CDK14: variants seen among roughly 807,000 people sequenced by gnomAD.
The protein encoded by CDK14 is cyclin dependent kinase 14.
A neutral mutation model predicts 60.7 loss-of-function variants in CDK14; 34 were observed. The ratio of observed to expected loss-of-function variants is 0.56; its 90% confidence interval spans 0.43 to 0.75. The LOEUF is 0.75. CDK14 is among the 30% of genes least tolerant of loss of function. CDK14 has a pLI of 0.00. For missense variants in CDK14, 482 were observed against 564.1 expected (o/e 0.85, Z 1.47); for synonymous variants, 197 against 203.7 (o/e 0.97, Z 0.28).
chr7:90,963,086 A>AGTGTGT (rs34662049), intron 9 of CDK14, among the ~76,000 whole-genome samples: 7,394 of 141,978 alleles, frequency 0.052, 381 homozygotes, highest in East Asian at 0.14. Context: ...TCATCTTAAG[A>AGTGTGT]GTGTGTGTGT....
intron 9 of CDK14, among the ~76,000 whole-genome samples, chr7:90,977,311 C>G (rs1795100146): frequency 6.6e-6 from 1 of 152,026 alleles, no homozygotes; most frequent in African/African-American, 2.4e-5. Context: ...AGGGAAGAAG[C>G]CTTTATTTGG....
chr7:91,188,907 T>C (rs1232963509), intron 14 of CDK14, among the ~76,000 whole-genome samples: 2 of 152,346 alleles, frequency 1.3e-5, no homozygotes, highest in East Asian at 3.9e-4. Flanking sequence ...TGTTCCTCTT[T>C]AGTAACAACC....
intron 14 of CDK14, among the ~76,000 whole-genome samples, chr7:91,179,798 G>A (rs1390464880): frequency 2.7e-5 from 4 of 149,656 alleles, no homozygotes; most frequent in Admixed American, 6.6e-5. Context: ...GCGAGACTCC[G>A]TCTCAAAAAA....
chr7:90,844,959 A>G (rs1790418390), intron 5 of CDK14, among the ~76,000 whole-genome samples: 1 of 152,204 alleles, frequency 6.6e-6, no homozygotes, highest in African/African-American at 2.4e-5. Flanking sequence ...GTTAGTCACA[A>G]GATGGCAGCT....
chr7:91,055,642 AG>A (rs1562885080), intron 11 of CDK14, among the ~76,000 whole-genome samples: 1 of 152,234 alleles, frequency 6.6e-6, no homozygotes, highest in Non-Finnish European at 1.5e-5. Context: ...GTTGATATAG[AG>A]GGCCAATCAC....
intron 3 of CDK14, among the ~76,000 whole-genome samples, chr7:90,747,272 T>G (rs746919574): frequency 6.6e-6 from 1 of 152,212 alleles, no homozygotes; most frequent in Non-Finnish European, 1.5e-5. Flanking sequence ...GGCCACAGTT[T>G]GCCAGCTCCT....
intron 10 of CDK14, among the ~76,000 whole-genome samples, chr7:91,023,017 T>A (rs940981): frequency 0.25 from 37,964 of 151,768 alleles, 5,097 homozygotes; most frequent in African/African-American, 0.33. Flanking sequence ...AGTATATATT[T>A]TTTTTTTTTC....
intron 4 of CDK14, among the ~76,000 whole-genome samples, chr7:90,754,919 A>G (rs1803996051): frequency 6.6e-6 from 1 of 152,216 alleles, no homozygotes; most frequent in Admixed American, 6.5e-5. Context: ...GTAATGAGAT[A>G]CCATCTCAAA....
rs547665363 is a variant in CDK14 at position 90,766,159 on chromosome 7, T to A, written c.464+18384T>A. On this transcript the variant is annotated intron_variant, in intron 4 of 14. Transcript: ENST00000380050. The stretch of plus-strand genomic sequence containing the variant: ...TGTTTTTCTTCTTTGCTCCATTTTC[T>A]TCATTGATACTAGTTGTGATTTTTT... Among the ~76,000 whole-genome samples the A allele has an allele frequency of 5.9e-5, 9 of 152,318 alleles. No homozygotes were observed. The South Asian group carries it at 1.9e-3, about 32-fold the overall frequency.
chr7:90,927,338 G>A (rs1215075656), intron 8 of CDK14, among the ~76,000 whole-genome samples: 2 of 152,076 alleles, frequency 1.3e-5, no homozygotes, highest in African/African-American at 4.8e-5. Context: ...TTATCACTAA[G>A]ATTCCAAGGG....
chr7:90,730,613 T>G (rs1365535407), intron 3 of CDK14, among the ~76,000 whole-genome samples: 2 of 152,240 alleles, frequency 1.3e-5, no homozygotes. Context: ...CCAGTGATGA[T>G]GAGCTTTTTT....
intron 2 of CDK14, among the ~76,000 whole-genome samples, chr7:90,718,196 A>G (rs1802320232): frequency 6.6e-6 from 1 of 152,016 alleles, no homozygotes; most frequent in Non-Finnish European, 1.5e-5. Flanking sequence ...TTTTCAGCCA[A>G]AATGCCCAGG....
At chr7:91,049,201 G>A (rs1797323166) in intron 11 of CDK14, among the ~76,000 whole-genome samples, 1 of 152,046 alleles carries the variant, frequency 6.6e-6, no homozygotes, top group African/African-American at 2.4e-5. Context: ...ATATTTAAGG[G>A]AAATTATCCC....
chr7:90,922,231 C>A (rs906115652), intron 8 of CDK14, among the ~76,000 whole-genome samples: 3 of 152,148 alleles, frequency 2.0e-5, no homozygotes, highest in African/African-American at 7.2e-5. Flanking sequence ...CTGTATCTTT[C>A]TTTTAGAATA....
intron 14 of CDK14, among the ~76,000 whole-genome samples, chr7:91,149,776 T>C (rs1050996155): frequency 4.6e-5 from 7 of 152,222 alleles, no homozygotes; most frequent in African/African-American, 1.7e-4. Context: ...AACTAGGCCA[T>C]ATGGGTGTGT....
At chr7:90,651,185 T>G (rs543001729) in intron 2 of CDK14, among the ~76,000 whole-genome samples, 21 of 152,208 alleles carry the variant, frequency 1.4e-4, no homozygotes, top group Non-Finnish European at 2.6e-4. Context: ...CCCTTGTAAG[T>G]TGGATTCCTA....
chr7:91,151,376 C>G (rs1263790262), intron 14 of CDK14, among the ~76,000 whole-genome samples: 1 of 152,140 alleles, frequency 6.6e-6, no homozygotes, highest in East Asian at 1.9e-4. Flanking sequence ...CAAATCCAGA[C>G]AACTATGAAT....
chr7:91,060,329 A>G (rs1562887454), intron 11 of CDK14, among the ~76,000 whole-genome samples: 1 of 151,866 alleles, frequency 6.6e-6, no homozygotes, highest in Non-Finnish European at 1.5e-5. Flanking sequence ...AATACAGCAC[A>G]CTAATGGGTC....
chr7:90,893,923 G>A (rs143581016), intron 6 of CDK14, among the ~76,000 whole-genome samples: 171 of 152,284 alleles, frequency 1.1e-3, no homozygotes, highest in African/African-American at 3.7e-3. Context: ...ATAGAGAGTG[G>A]TGGCATGGGA....
Sources: allele counts gnomAD v4.1 joint callset (sites outside exome capture counted in the v4.1 genomes callset), GRCh38; gene constraint gnomAD v4.1.1; transcripts MANE v1.5; gene names NCBI Gene and HGNC (gene_info 2026-07-23, HGNC 2026-07-21).